PCGF6: variants seen among roughly 807,000 people sequenced by gnomAD.
PCGF6 encodes the protein polycomb group RING finger protein 6.
A neutral mutation model predicts 45.5 loss-of-function variants in PCGF6; 24 were observed. The observed-to-expected ratio is 0.53, with a 90% confidence interval of 0.38 to 0.74. The LOEUF (loss-of-function observed/expected upper bound fraction) is 0.74, where lower values mean the gene tolerates loss of function less well. Ranked by LOEUF, PCGF6 falls within the 30% of genes least tolerant of loss-of-function variation. PCGF6 has a pLI of 0.00. For missense variants in PCGF6, 356 were observed against 443.2 expected (o/e 0.80, Z 1.77); for synonymous variants, 152 against 162.1 (o/e 0.94, Z 0.47).
At chr10:103,340,604 T>C (rs1190133037) in intron 6 of PCGF6, among the ~76,000 whole-genome samples, 4 of 152,214 alleles carry the variant, frequency 2.6e-5, no homozygotes, top group Admixed American at 6.5e-5. Flanking sequence ...AAAATAATTT[T>C]TTTTTTTTTT....
At chr10:103,347,896 C>T (rs1442949142) in intron 3 of PCGF6, among the ~76,000 whole-genome samples, 1 of 152,152 alleles carries the variant, frequency 6.6e-6, no homozygotes, top group East Asian at 1.9e-4. Flanking sequence ...GAGTTGAGGG[C>T]AGAGACTGTA....
At chr10:103,330,757 G>A (rs531585938) in intron 7 of PCGF6, among the ~76,000 whole-genome samples, 97 of 152,212 alleles carry the variant, frequency 6.4e-4, no homozygotes, top group African/African-American at 2.2e-3. Flanking sequence ...GTGAAACCCC[G>A]TTTCTACTAA....
chr10:103,320,531 TAG>T lies in PCGF6; in HGVS notation c.909+6001_909+6002del, dbSNP rs1038494852. On this transcript the variant is annotated intron_variant, in intron 8 of 9. Transcript: ENST00000369847. ...GAGAAACTCTGTCTACTAAAAAAAC[TAG>T]AAAATTAGCCAGGCATGGTGGCGCA... Among the ~76,000 whole-genome samples, 29 of 151,994 alleles carry T rather than the reference TAG, an allele frequency of 1.9e-4. No individual in the cohort carries two copies. In the Middle Eastern group the frequency reaches 0.01, roughly 53 times the overall value.
intron 7 of PCGF6, among the ~76,000 whole-genome samples, chr10:103,332,974 C>T (rs746014554): frequency 2.6e-5 from 4 of 151,854 alleles, no homozygotes; most frequent in Non-Finnish European, 5.9e-5. Flanking sequence ...ATTAGCTGGG[C>T]GTGGTGGTGC....
At chr10:103,328,324 G>A (rs2093226915) in intron 7 of PCGF6, among the ~76,000 whole-genome samples, 1 of 152,146 alleles carries the variant, frequency 6.6e-6, no homozygotes, top group South Asian at 2.1e-4. Context: ...GTTTGTTCTT[G>A]AGAACTTTCC....
At chr10:103,309,074 GGACTAGCCTTGTCTCAGATGA>G (rs1162209129) in intron 9 of PCGF6, among the ~76,000 whole-genome samples, 2 of 152,060 alleles carry the variant, frequency 1.3e-5, no homozygotes, top group African/African-American at 4.8e-5. Flanking sequence ...TAGGCAGAAG[GGACTAGCCTTGTCTCAGATGA>G]GACTATGGAA....
chr10:103,347,114 C>A (rs2093302488), intron 5 of PCGF6, 124 bp downstream of exon 5: 1 of 695,654 alleles, frequency 1.4e-6, no homozygotes, highest in South Asian at 2.0e-5. Context: ...TTACACACAG[C>A]ATTACCTTCA....
At chr10:103,326,684 G>T in intron 7 of PCGF6, 52 bp from the exon 8 acceptor site, 3 of 1,322,930 alleles carry the variant, frequency 2.3e-6, no homozygotes, top group Non-Finnish European at 2.1e-6. Flanking sequence ...ACCTGTACAT[G>T]CATGACGTAT....
intron 8 of PCGF6, among the ~76,000 whole-genome samples, chr10:103,318,762 GA>G (rs79173927): frequency 6.6e-6 from 1 of 150,644 alleles, no homozygotes; most frequent in African/African-American, 2.4e-5. Context: ...AAAGAAAAAA[GA>G]AAAAAAAAGT....
At chr10:103,325,403 GC>G (rs1419458244) in intron 8 of PCGF6, among the ~76,000 whole-genome samples, 2 of 151,946 alleles carry the variant, frequency 1.3e-5, no homozygotes, top group Non-Finnish European at 2.9e-5. Flanking sequence ...ACAGGTGTGT[GC>G]CAACAGGTCC....
At chr10:103,304,656 C>CTTTTTT (rs34403112) in intron 9 of PCGF6, among the ~76,000 whole-genome samples, 1 of 137,366 alleles carries the variant, frequency 7.3e-6, no homozygotes, top group Non-Finnish European at 1.5e-5. Context: ...CCCAGCCCCA[C>CTTTTTT]TTTTTTTTTT....
At chr10:103,346,857 C>T (rs951123608) in intron 5 of PCGF6, among the ~76,000 whole-genome samples, 1 of 152,204 alleles carries the variant, frequency 6.6e-6, no homozygotes, top group African/African-American at 2.4e-5. Flanking sequence ...GACATTACAT[C>T]ATCATAAAAA....
rs1564732456 is a variant in PCGF6, at chr10:103,337,782, C to CTGAGCATGGTGGT, written c.783-3831_783-3830insACCACCATGCTCA. 4.3e-4 allele frequency among the ~76,000 whole-genome samples: 50 copies of CTGAGCATGGTGGT among 115,156 alleles called. 1 individual carries two copies. The highest frequency in any genetic ancestry group is 7.1e-4 in the Admixed American group (8 of 11,314). 75.5% of individuals were successfully genotyped at this position (115,156 alleles called of 152,430 possible). ...GTGTCTACTAAAAATACAAAATTAGCGGCCGGGCGCGGTGGCTCACGCCTG... is the reference window on the plus strand; with the variant it reads ...GTGTCTACTAAAAATACAAAATTAGCTGAGCATGGTGGTGGCCGGGCGCGGTGGCTCACGCCTG... On this transcript the variant is annotated intron_variant, in intron 6 of 9. Coordinates refer to ENST00000369847, the MANE Select transcript of PCGF6 (RefSeq NM_001011663.2).
At chr10:103,343,044 T>C (rs1202355213) in intron 6 of PCGF6, among the ~76,000 whole-genome samples, 1 of 152,090 alleles carries the variant, frequency 6.6e-6, no homozygotes. Flanking sequence ...TTCTCCTGCC[T>C]CAGCCTCCCG....
At chr10:103,350,665 C>G (rs1358677950) in intron 1 of PCGF6, 42 bp downstream of exon 1, 2 of 1,405,526 alleles carry the variant, frequency 1.4e-6, no homozygotes, top group Admixed American at 5.8e-5. Flanking sequence ...ACGTCCCTGA[C>G]GCCGCTTGGG....
At chr10:103,321,478 C>T (rs1371144461) in intron 8 of PCGF6, among the ~76,000 whole-genome samples, 1 of 152,070 alleles carries the variant, frequency 6.6e-6, no homozygotes, top group African/African-American at 2.4e-5. Flanking sequence ...CTTTGGGAGG[C>T]CAAGGTGGGC....
At chr10:103,327,085 G>A (rs756282828) in intron 7 of PCGF6, among the ~76,000 whole-genome samples, 3 of 152,114 alleles carry the variant, frequency 2.0e-5, no homozygotes, top group African/African-American at 2.4e-5. Context: ...TCAGGAGTTC[G>A]AGACCAGCCT....
intron 6 of PCGF6, among the ~76,000 whole-genome samples, chr10:103,336,882 C>CAAA (rs985791562): frequency 6.6e-6 from 1 of 151,312 alleles, no homozygotes; most frequent in Non-Finnish European, 1.5e-5. Flanking sequence ...CTCAAAAAAG[C>CAAA]AAAAAAAATT....
At chr10:103,313,180 A>G (rs1036196806) in intron 9 of PCGF6, among the ~76,000 whole-genome samples, 1 of 152,226 alleles carries the variant, frequency 6.6e-6, no homozygotes, top group Non-Finnish European at 1.5e-5. Flanking sequence ...CTACTGTATA[A>G]GAAAAGCTAT....
Sources: allele counts gnomAD v4.1 joint callset (sites outside exome capture counted in the v4.1 genomes callset), GRCh38; gene constraint gnomAD v4.1.1; transcripts MANE v1.5; gene names NCBI Gene and HGNC (gene_info 2026-07-23, HGNC 2026-07-21).